Variants in ITCH observed in about 807,000 individuals in gnomAD.
ITCH encodes E3 ubiquitin-protein ligase Itchy homolog.
Under a neutral mutation model 126.8 loss-of-function variants are expected in ITCH, and 28 were observed. The observed-to-expected ratio is 0.22, with a 90% CI of 0.16 to 0.30. ITCH has a LOEUF of 0.30. Among genes scored for constraint, ITCH ranks in the 10% least tolerant of loss-of-function variants. The pLI is 1.00. For missense variants in ITCH, 631 were observed against 1,032.4 expected, an observed-to-expected ratio of 0.61 and a Z score of 5.33; for synonymous variants, 342 against 340.0, an observed-to-expected ratio of 1.01 and a Z score of -0.06.
rs1299154146 is a variant in ITCH at position 34,471,641 on chromosome 20, G to A, written c.1569+126G>A. On this transcript the variant is annotated intron_variant, in intron 16 of 24. Coordinates refer to ENST00000374864, the MANE Select transcript of ITCH (RefSeq NM_031483.7). ...TGAAGTCCTTGAATTTTTCAAGTGCGATCTCATTGCCAGCCACCTTAGGGC... is the reference window on the plus strand; with the variant it reads ...TGAAGTCCTTGAATTTTTCAAGTGCAATCTCATTGCCAGCCACCTTAGGGC... 2.9e-5 allele frequency: 20 copies of A among 689,916 alleles called. 1 individual carries two copies. Among genetic ancestry groups the A allele is most frequent in the South Asian group, 1.0e-4 (7 of 66,744 alleles). 42.7% of individuals were successfully genotyped at this position (689,916 alleles called of 1,614,324 possible). A position where few individuals can be genotyped will look rare whatever the true frequency, so the allele number is the denominator to read the frequency against.
rs1259097730 is a variant in ITCH at position 34,367,017 on chromosome 20, G to A, written c.-98-2377G>A. On this transcript the variant is annotated intron_variant, in intron 1 of 24. Coordinates refer to ENST00000374864, the MANE Select transcript of ITCH (RefSeq NM_031483.7). Reference sequence around the variant, plus strand: ...GGATTTTTTTTTAGAGCTAATCTGGGTAAAGGGCTCCTTTTCTGTCAAAAG... The same window carrying A: ...GGATTTTTTTTTAGAGCTAATCTGGATAAAGGGCTCCTTTTCTGTCAAAAG... 3.9e-5 allele frequency among the ~76,000 whole-genome samples: 6 copies of A among 152,076 alleles called. No individual in the cohort carries two copies. In the South Asian group the frequency reaches 6.2e-4, roughly 16 times the overall value.
intron 11 of ITCH, among the ~76,000 whole-genome samples, chr20:34,447,500 C>T (rs1280769581): frequency 6.6e-6 from 1 of 152,130 alleles, no homozygotes; most frequent in Admixed American, 6.6e-5. Context: ...GTCATACACC[C>T]AGCATTTTAA....
chr20:34,378,417 G>C (rs1249615998), intron 2 of ITCH, among the ~76,000 whole-genome samples: 1 of 132,290 alleles, frequency 7.6e-6, no homozygotes. Flanking sequence ...AGGTTGCAGT[G>C]AGCAGAGATT....
At chr20:34,441,291 A>G (rs906443683) in intron 9 of ITCH, among the ~76,000 whole-genome samples, 3 of 152,212 alleles carry the variant, frequency 2.0e-5, no homozygotes, top group African/African-American at 7.2e-5. Context: ...AAGAAAAATC[A>G]TAGCAAAGTG....
At chr20:34,407,442 A>AT (rs1340636433) in intron 3 of ITCH, among the ~76,000 whole-genome samples, 6 of 151,872 alleles carry the variant, frequency 4.0e-5, no homozygotes, top group Admixed American at 3.3e-4. Flanking sequence ...AAGTTTTGAA[A>AT]TTTTTTAGTA....
chr20:34,483,140 GGCCT>G (rs61696302), intron 20 of ITCH, among the ~76,000 whole-genome samples: 73,751 of 151,454 alleles, frequency 0.49, 18,158 homozygotes, highest in Middle Eastern at 0.51. Flanking sequence ...TTAGCTCCTA[GGCCT>G]GCCTACAGGC....
chr20:34,440,428 A>G (rs941975350), intron 9 of ITCH, 84 bp downstream of exon 9: 30 of 1,001,380 alleles, frequency 3.0e-5, no homozygotes, highest in Admixed American at 2.1e-4. Flanking sequence ...ACAGTAAACA[A>G]CAGTAAACTC....
At chr20:34,408,862 T>C in intron 4 of ITCH, 70 bp downstream of exon 4, 1 of 1,526,402 alleles carries the variant, frequency 6.6e-7, no homozygotes, top group Non-Finnish European at 9.0e-7. Context: ...TTTAAAAAAA[T>C]GTTTCTCACT....
At chr20:34,380,233 G>A (rs928324158) in intron 2 of ITCH, among the ~76,000 whole-genome samples, 1 of 152,008 alleles carries the variant, frequency 6.6e-6, no homozygotes, top group Non-Finnish European at 1.5e-5. Flanking sequence ...GTTTCATGTT[G>A]TACCATATGT....
chr20:34,484,932 A>G lies in ITCH; in HGVS notation c.2093+3726A>G, dbSNP rs79243409. Among the ~76,000 whole-genome samples the G allele has an allele frequency of 9.1e-3, 1,391 of 152,296 alleles. 9 individuals are homozygous for G. Among genetic ancestry groups the G allele is most frequent in the Middle Eastern group, 0.037 (11 of 294 alleles). On this transcript the variant is annotated intron_variant, in intron 20 of 24. Coordinates refer to ENST00000374864, the MANE Select transcript of ITCH (RefSeq NM_031483.7). ...CTATTCTGGACCCCATAAGGGGCCA[A>G]TGCACACCTCCCTTCTCCCAGCCCC...
At chr20:34,485,367 T>C (rs1989030955) in intron 20 of ITCH, among the ~76,000 whole-genome samples, 1 of 152,242 alleles carries the variant, frequency 6.6e-6, no homozygotes, top group African/African-American at 2.4e-5. Context: ...CAAAGTGTTT[T>C]TGCCATTTTG....
At chr20:34,479,468 G>A (rs1988533371) in intron 17 of ITCH, among the ~76,000 whole-genome samples, 162 bp from the exon 18 acceptor site, 1 of 152,156 alleles carries the variant, frequency 6.6e-6, no homozygotes, top group South Asian at 2.1e-4. Context: ...TACCAACTCT[G>A]TGAAACAGAT....
intron 5 of ITCH, 56 bp from the exon 6 acceptor site, chr20:34,413,686 G>C: frequency 1.3e-6 from 2 of 1,522,046 alleles, no homozygotes; most frequent in African/African-American, 2.8e-5. Context: ...TAACAGTTAA[G>C]ATGCCTTAAC....
At chr20:34,427,143 A>G (rs1388462215) in intron 7 of ITCH, among the ~76,000 whole-genome samples, 1 of 152,240 alleles carries the variant, frequency 6.6e-6, no homozygotes, top group African/African-American at 2.4e-5. Context: ...ATCAAAGTTT[A>G]TAAAGCTGTT....
rs1367210362 is a variant in ITCH at position 34,481,553 on chromosome 20, C to T, written c.2093+347C>T. Among the ~76,000 whole-genome samples the T allele has an allele frequency of 2.0e-5, 3 of 152,108 alleles. No homozygotes were observed. The East Asian group carries it at 5.8e-4, about 29-fold the overall frequency. On this transcript the variant is annotated intron_variant, in intron 20 of 24. Coordinates refer to ENST00000374864, the MANE Select transcript of ITCH (RefSeq NM_031483.7). ...TTTCCTGCTGCTGATAAAGACATAT[C>T]CAAGACTGGGCAATTTATAAAAAAA...
rs771333877 is a variant in ITCH, at chr20:34,393,799, A to T, written c.-13A>T. ...TCCTTTGCCATGTTCAGGTTTTCCA[A>T]CCTATTGGTGGTATGTCTGACAGTG... is the stretch of plus-strand genomic sequence containing the variant. On this transcript the variant is annotated 5_prime_UTR_variant, in exon 3 of 25. Coordinates refer to ENST00000374864, the MANE Select transcript of ITCH (RefSeq NM_031483.7). The T allele has an allele frequency of 1.2e-6, 2 of 1,609,210 alleles. No homozygotes were observed. The highest frequency in any genetic ancestry group is 3.3e-4 in the Middle Eastern group (2 of 6,046).
intron 23 of ITCH, among the ~76,000 whole-genome samples, chr20:34,500,793 A>G (rs916222284): frequency 1.7e-4 from 26 of 151,940 alleles, no homozygotes; most frequent in Non-Finnish European, 3.2e-4. Flanking sequence ...GTGGTTTTCT[A>G]TAGTGCTAAG....
At chr20:34,397,932 G>C (rs1345172412) in intron 3 of ITCH, among the ~76,000 whole-genome samples, 1 of 150,814 alleles carries the variant, frequency 6.6e-6, no homozygotes, top group Non-Finnish European at 1.5e-5. Flanking sequence ...TATTCTCAGA[G>C]ACAATGATTA....
chr20:34,414,577 CTG>C (rs1178501503), intron 6 of ITCH, among the ~76,000 whole-genome samples: 1 of 148,298 alleles, frequency 6.7e-6, no homozygotes, highest in African/African-American at 2.5e-5. Context: ...AGCGATTTTC[CTG>C]TCTCAGTCTC....
Sources: allele counts gnomAD v4.1 joint callset (sites outside exome capture counted in the v4.1 genomes callset), GRCh38; gene constraint gnomAD v4.1.1; transcripts MANE v1.5; gene names NCBI Gene and HGNC (gene_info 2026-07-23, HGNC 2026-07-21).